Variants in P3H1 observed in about 807,000 individuals in gnomAD.
P3H1 encodes prolyl 3-hydroxylase 1, also known as growth suppressor 1.
A neutral mutation model predicts 84.0 loss-of-function variants in P3H1; 69 were observed. The ratio of observed to expected loss-of-function variants is 0.82; its 90% confidence interval spans 0.68 to 1.00. The LOEUF is 1.00. P3H1 is among the 50% of genes least tolerant of loss of function. P3H1 has a pLI of 0.00. For missense variants in P3H1, 878 were observed against 962.8 expected (o/e 0.91, Z 1.17); for synonymous variants, 366 against 388.8 (o/e 0.94, Z 0.69).
chr1:42,747,194 G>A, intron 14 of P3H1, 78 bp downstream of exon 14: 1 of 1,614,224 alleles, frequency 6.2e-7, no homozygotes, highest in Non-Finnish European at 8.5e-7. Flanking sequence ...ATTTGGGGAA[G>A]AGAAAGGCAA....
At chr1:42,757,639 G>A (rs1003236466) in intron 5 of P3H1, 144 bp downstream of exon 5, 4 of 1,183,314 alleles carry the variant, frequency 3.4e-6, no homozygotes, top group Middle Eastern at 2.8e-4. Flanking sequence ...AACAAGCCGA[G>A]TGACTGAACT....
chr1:42,752,449 G>A, intron 9 of P3H1, 80 bp from the exon 10 acceptor site: 1 of 1,610,364 alleles, frequency 6.2e-7, no homozygotes, highest in Non-Finnish European at 8.5e-7. Context: ...TGGCCAGGAA[G>A]AGGAAGGCGA....
intron 1 of P3H1, among the ~76,000 whole-genome samples, chr1:42,765,736 T>C (rs1652951486): frequency 6.6e-6 from 1 of 152,040 alleles, no homozygotes; most frequent in Non-Finnish European, 1.5e-5. Flanking sequence ...CACAACTCTT[T>C]CTCCCCCCAC....
chr1:42,766,965 C>CCGTA lies in P3H1; in HGVS notation c.6_7insTACG (p.Val3TyrfsTer35). 1 of 1,608,230 alleles carries CCGTA rather than the reference C, an allele frequency of 6.2e-7. No homozygotes were observed. The highest frequency in any genetic ancestry group is 1.1e-5 in the South Asian group (1 of 91,052). On this transcript the variant is annotated frameshift_variant, in exon 1 of 15. Transcript: ENST00000296388. LOFTEE classifies it high-confidence loss of function. ...GTGGTCAGCAGCTTCAACGCGCGTA[C>CCGTA]CGCCATCGCTCCCTCAGACCTAACG...
intron 1 of P3H1, among the ~76,000 whole-genome samples, chr1:42,766,034 G>C (rs557593473): frequency 4.3e-5 from 6 of 139,116 alleles, no homozygotes; most frequent in Non-Finnish European, 6.1e-5. Flanking sequence ...CACACACACA[G>C]AAAGGGCCAG....
chr1:42,754,315 A>G lies in P3H1; in HGVS notation c.1345+554T>C, dbSNP rs1240797848. 6.6e-6 allele frequency among the ~76,000 whole-genome samples: 1 copy of G among 152,180 alleles called. No individual in the cohort carries two copies. Among genetic ancestry groups the G allele is most frequent in the Non-Finnish European group, 1.5e-5 (1 of 68,024 alleles). Reference sequence around the variant, plus strand: ...AGAAGCACTGCAGAGCAGAGCCACAATCAGTAGGCCTTCCCAGCAGCTTGC... The same window carrying G: ...AGAAGCACTGCAGAGCAGAGCCACAGTCAGTAGGCCTTCCCAGCAGCTTGC... On this transcript the variant is annotated intron_variant, in intron 8 of 14. Transcript: ENST00000296388. The surrounding 1 kb of genome is among the most constrained non-coding windows in gnomAD (Gnocchi z 4.0).
intron 10 of P3H1, among the ~76,000 whole-genome samples, chr1:42,751,139 G>A (rs1302496767): frequency 7.2e-6 from 1 of 138,340 alleles, no homozygotes; most frequent in Non-Finnish European, 1.6e-5. Context: ...CGGGAAGGGT[G>A]GGGAAAAAAT....
chr1:42,759,096 A>C lies in P3H1; in HGVS notation c.808+105T>G, dbSNP rs1055376308. ...AATTTTTCATCAGCTTCTCAGATTT[A>C]ATAAATTGAGGAATGAGGGTGAAGA... On this transcript the variant is annotated intron_variant, in intron 3 of 14. Coordinates refer to ENST00000296388, the MANE Select transcript of P3H1 (RefSeq NM_022356.4). 10 of 1,571,400 alleles carry C rather than the reference A, an allele frequency of 6.4e-6. No individual in the cohort carries two copies. In the African/African-American group the frequency reaches 1.4e-4, roughly 21 times the overall value.
intron 11 of P3H1, chr1:42,749,756 TTTG>T (rs139306499): frequency 0.61 from 106,849 of 176,604 alleles, 33,031 homozygotes; most frequent in South Asian, 0.74. Context: ...AAGCCTTCTT[TTTG>T]TTGTTGTTGT....
rs763655582 is a variant in P3H1, at chr1:42,748,276, C to T, written c.1762G>A (p.Val588Met). The change falls in exon 12 of 15, where the codon GTG (valine) becomes ATG (methionine). Residue 588 changes from valine (V) to methionine (M), a missense_variant. Val to Met is a conservative substitution (Grantham distance 21). Coordinates refer to ENST00000296388, the MANE Select transcript of P3H1 (RefSeq NM_022356.4). The stretch of plus-strand genomic sequence containing the variant: ...TCGGCATTCAGGATGCAGTTGTCCA[C>T]GTGGACTGGATGACTATCATCCTTC... ...ERKDDSHPVH[V>M]DNCILNAETL... 21 of 1,613,946 alleles carry T rather than the reference C, an allele frequency of 1.3e-5. No individual in the cohort carries two copies. The highest frequency in any genetic ancestry group is 8.3e-5 in the Admixed American group (5 of 60,002).
rs4660662 is a variant in P3H1 at position 42,746,760 on chromosome 1, G to A, written c.2148C>T (p.Gly716=). 48 of 1,556,266 alleles carry A rather than the reference G, an allele frequency of 3.1e-5. No individual in the cohort carries two copies. Among genetic ancestry groups the A allele is most frequent in the Non-Finnish European group, 4.1e-5 (47 of 1,149,650 alleles). ...GAGACTCTTGTGCAGGTTCGGGGGGGCCCTGCTGGGCATCCAGGGGCTGCT... is the reference window on the plus strand; with the variant it reads ...GAGACTCTTGTGCAGGTTCGGGGGGACCCTGCTGGGCATCCAGGGGCTGCT... The part of the protein sequence containing the change: ...SQEQPLDAQQ[G]PPEPAQESLS... Residue 716 remains glycine, a synonymous_variant, in exon 15 of 15, where the codon GGC becomes GGT. Transcript: ENST00000296388.
Position 42,754,961 on chromosome 1 carries a change from G to A in P3H1, c.1253C>T (p.Ser418Phe). The A allele has an allele frequency of 6.2e-7, 1 of 1,614,192 alleles. No individual in the cohort carries two copies. The highest frequency in any genetic ancestry group is 1.1e-5 in the South Asian group (1 of 91,090). The change falls in exon 8 of 15, where the codon TCC (serine) becomes TTC (phenylalanine). Residue 418 changes from serine (S) to phenylalanine (F), a missense_variant. Ser to Phe is a radical substitution (Grantham distance 155). Coordinates refer to ENST00000296388, the MANE Select transcript of P3H1 (RefSeq NM_022356.4). This position sits in a 1 kb window ranked among gnomAD's most constrained non-coding sequence, Gnocchi z 4.0. ...CTTCATAAGGTTCCCAATCTCCTGG[G>A]AGATGCGTACGGCTGTTTCCCGTTC... Reference protein sequence around the residue: ...KSERETAVRISQEIGNLMKEI... With the variant: ...KSERETAVRIFQEIGNLMKEI...
rs1652332001 is a variant in P3H1 at position 42,755,231 on chromosome 1, G to A, written c.1171-14C>T. On this transcript the variant is annotated splice_polypyrimidine_tract_variant and intron_variant, in intron 6 of 14. Coordinates refer to ENST00000296388, the MANE Select transcript of P3H1 (RefSeq NM_022356.4). ...AGTCCATGAATCCTAAGTAGGTCAG[G>A]AAGAAATGAAAAAGGTAAGATGATC... is the stretch of plus-strand genomic sequence containing the variant. The A allele has an allele frequency of 1.2e-6, 2 of 1,612,718 alleles. No homozygotes were observed. Among genetic ancestry groups the A allele is most frequent in the Non-Finnish European group, 1.7e-6 (2 of 1,178,746 alleles).
intron 1 of P3H1, among the ~76,000 whole-genome samples, chr1:42,762,710 T>A (rs1242503084): frequency 6.6e-6 from 1 of 152,188 alleles, no homozygotes. Flanking sequence ...ATTTAGGGGT[T>A]CCCCAGATTA....
chr1:42,762,645 C>A (rs1652782895), intron 1 of P3H1, among the ~76,000 whole-genome samples, 170 bp from the exon 2 acceptor site: 1 of 152,196 alleles, frequency 6.6e-6, no homozygotes. Context: ...GAACTACCCA[C>A]GACAGATTAG....
intron 2 of P3H1, 90 bp from the exon 3 acceptor site, chr1:42,759,480 C>T: frequency 1.7e-6 from 2 of 1,156,244 alleles, no homozygotes; most frequent in East Asian, 5.0e-5. Context: ...GTCCTAATTT[C>T]CTGTTCCTCA....
chr1:42,749,754 TTTTTG>T, intron 11 of P3H1: 1 of 126,798 alleles, frequency 7.9e-6, no homozygotes, highest in East Asian at 1.8e-4. Context: ...GGAAGCCTTC[TTTTTG>T]TTGTTGTTGT....
At chr1:42,753,754 C>T (rs1268939747) in intron 8 of P3H1, among the ~76,000 whole-genome samples, 1 of 151,992 alleles carries the variant, frequency 6.6e-6, no homozygotes, top group Non-Finnish European at 1.5e-5. Flanking sequence ...AACCCTATCT[C>T]TACTAAAAAT....
chr1:42,752,578 T>C lies in P3H1; in HGVS notation c.1432A>G (p.Ile478Val). The C allele has an allele frequency of 6.2e-7, 1 of 1,614,112 alleles. No individual in the cohort carries two copies. Among genetic ancestry groups the C allele is most frequent in the South Asian group, 1.1e-5 (1 of 91,074 alleles). ...GSQRVVMDGV[I>V]SDHECQELQR... ...AGCTCCTGACACTCGTGGTCAGAGATTACGCCGTCCATCACCACCCGCTGG... is the reference window on the plus strand; with the variant it reads ...AGCTCCTGACACTCGTGGTCAGAGACTACGCCGTCCATCACCACCCGCTGG... The change falls in exon 9 of 15, where the codon ATC (isoleucine) becomes GTC (valine). Residue 478 changes from isoleucine (I) to valine (V), a missense_variant. By Grantham distance (29) the Ile-to-Val change is conservative. Transcript: ENST00000296388.
Sources: gnomAD v4.1 joint callset for allele counts (sites outside exome capture counted in the v4.1 genomes callset) on GRCh38, gnomAD v4.1.1 for gene constraint, Gnocchi (gnomAD v3.1) non-coding constraint, MANE v1.5 for transcripts, NCBI Gene and HGNC (gene_info 2026-07-23, HGNC 2026-07-21) for gene names.